The following SAMMSON variants were observed in gnomAD, a reference collection of about 807,000 sequenced individuals.
SAMMSON encodes the protein long intergenic non-protein coding RNA 1212.
chr3:70,235,306 A>G (rs1048640963), intron 4 of SAMMSON, among the ~76,000 whole-genome samples: 12 of 152,002 alleles, frequency 7.9e-5, no homozygotes, highest in Non-Finnish European at 7.4e-5. Flanking sequence ...GAGACTATAA[A>G]TCCTTTGTGC....
At chr3:70,212,326 A>G (rs1406484373) in intron 4 of SAMMSON, among the ~76,000 whole-genome samples, 2 of 152,092 alleles carry the variant, frequency 1.3e-5, no homozygotes, top group African/African-American at 4.8e-5. Context: ...TTCAATTATG[A>G]TGCCTCTTTC....
chr3:70,080,692 G>GTT (rs35434435), intron 4 of SAMMSON, among the ~76,000 whole-genome samples: 13 of 139,526 alleles, frequency 9.3e-5, no homozygotes, highest in African/African-American at 3.1e-4. Flanking sequence ...CCCTGACTCC[G>GTT]TTTTTTTTTT....
chr3:70,271,910 C>A (rs113256151), intron 6 of SAMMSON: 18,009 of 152,180 alleles, frequency 0.12, 1,153 homozygotes, highest in East Asian at 0.22. Context: ...CTTACAGGCA[C>A]CTGCCATCAT....
intron 4 of SAMMSON, among the ~76,000 whole-genome samples, chr3:70,232,670 A>G (rs1559540981): frequency 6.6e-6 from 1 of 152,048 alleles, no homozygotes; most frequent in Non-Finnish European, 1.5e-5. Context: ...AGTGCTTAGG[A>G]TGAAGACATC....
chr3:70,293,198 G>C (rs1702255744), intron 7 of SAMMSON, among the ~76,000 whole-genome samples: 2 of 151,886 alleles, frequency 1.3e-5, no homozygotes, highest in Non-Finnish European at 1.5e-5. Flanking sequence ...TTTCTGTCAT[G>C]TAAGTCTGGT....
chr3:70,142,349 C>T (rs1426594155), intron 4 of SAMMSON, among the ~76,000 whole-genome samples: 1 of 152,142 alleles, frequency 6.6e-6, no homozygotes, highest in Non-Finnish European at 1.5e-5. Flanking sequence ...TGGAATACTA[C>T]TCAGCCATAA....
chr3:70,127,189 A>G (rs1455340332), intron 4 of SAMMSON: 1 of 152,246 alleles, frequency 6.6e-6, no homozygotes, highest in Non-Finnish European at 1.5e-5. Context: ...AAGCTTCCCA[A>G]ATAATGATAT....
chr3:70,005,957 CATGTA>C (rs998282382), intron 1 of SAMMSON, among the ~76,000 whole-genome samples: 1 of 152,120 alleles, frequency 6.6e-6, no homozygotes, highest in African/African-American at 2.4e-5. Context: ...ATCAAGAATT[CATGTA>C]ATGTTTTAGT....
intron 6 of SAMMSON, among the ~76,000 whole-genome samples, chr3:70,263,635 A>C (rs1459237401): frequency 3.3e-5 from 5 of 152,226 alleles, no homozygotes; most frequent in Non-Finnish European, 7.3e-5. Flanking sequence ...GATGGTATTC[A>C]GCAAAAGACT....
intron 7 of SAMMSON, among the ~76,000 whole-genome samples, chr3:70,324,174 T>G (rs911317803): frequency 2.9e-5 from 3 of 102,548 alleles, no homozygotes; most frequent in Non-Finnish European, 6.6e-5. Context: ...TATCTATCTA[T>G]CTATCTATCT....
At chr3:70,020,384 A>G (rs2067008158) in intron 3 of SAMMSON, among the ~76,000 whole-genome samples, 1 of 152,148 alleles carries the variant, frequency 6.6e-6, no homozygotes. Context: ...CTAGGAAATG[A>G]CCAAAGGAAC....
At chr3:70,042,817 C>T (rs2067110867) in intron 3 of SAMMSON, among the ~76,000 whole-genome samples, 1 of 151,996 alleles carries the variant, frequency 6.6e-6, no homozygotes, top group South Asian at 2.1e-4. Flanking sequence ...AAGGTTAATT[C>T]AGAAAGGAGT....
intron 2 of SAMMSON, among the ~76,000 whole-genome samples, chr3:70,416,933 A>T (rs1701269105): frequency 6.6e-6 from 1 of 152,010 alleles, no homozygotes. Flanking sequence ...TGAGAATGAT[A>T]CTCTATACCC....
At chr3:70,058,683 C>T (rs997400581) in intron 3 of SAMMSON, among the ~76,000 whole-genome samples, 3 of 152,008 alleles carry the variant, frequency 2.0e-5, no homozygotes, top group Non-Finnish European at 4.4e-5. Context: ...CCATTCTTGT[C>T]CAAAGTTCTT....
intron 7 of SAMMSON, among the ~76,000 whole-genome samples, chr3:70,342,227 G>GT (rs966320740): frequency 1.8e-4 from 28 of 152,086 alleles, no homozygotes; most frequent in Non-Finnish European, 2.1e-4. Context: ...AGAATGCACT[G>GT]TTTTTTTCTT....
intron 4 of SAMMSON, among the ~76,000 whole-genome samples, chr3:70,168,468 T>C (rs549753347): frequency 1.3e-5 from 2 of 152,028 alleles, no homozygotes; most frequent in South Asian, 2.1e-4. Context: ...TAAATTTTCA[T>C]TGAAAGTATG....
At chr3:70,399,169 A>AGGG (rs1015475679) in intron 2 of SAMMSON, among the ~76,000 whole-genome samples, 21 of 152,182 alleles carry the variant, frequency 1.4e-4, no homozygotes. Context: ...CTGGTTGGCA[A>AGGG]GCCCACCTAC....
chr3:70,155,978 T>C (rs1448075394), intron 4 of SAMMSON, among the ~76,000 whole-genome samples: 2 of 152,030 alleles, frequency 1.3e-5, no homozygotes, highest in East Asian at 1.9e-4. Flanking sequence ...CTTTGATCCT[T>C]GCTCCCATTT....
intron 7 of SAMMSON, among the ~76,000 whole-genome samples, chr3:70,344,321 G>T (rs1702733518): frequency 1.3e-5 from 2 of 152,090 alleles, no homozygotes; most frequent in South Asian, 4.1e-4. Flanking sequence ...AGAAGAGAAG[G>T]AGTGTCTGAA....
Sources: gnomAD v4.1 joint callset for allele counts (sites outside exome capture counted in the v4.1 genomes callset) on GRCh38, gnomAD v4.1.1 for gene constraint, MANE v1.5 for transcripts, NCBI Gene and HGNC (gene_info 2026-07-23, HGNC 2026-07-21) for gene names.